Variants in ENPEP observed in about 807,000 individuals in gnomAD.
ENPEP encodes the protein AP-A.
In ENPEP, 103 loss-of-function variants were observed where a neutral mutation model predicts 114.5. The observed-to-expected ratio is 0.90, with a 90% CI of 0.77 to 1.06. ENPEP has a LOEUF of 1.06. Among genes scored for constraint, ENPEP ranks in the 50% least tolerant of loss-of-function variants. The probability of loss-of-function intolerance (pLI) is 0.00; values close to 1 mark genes in which losing one functional copy is unlikely to be tolerated. For synonymous variants in ENPEP, 420 were observed against 422.0 expected (o/e 1.00, Z 0.06); for missense variants, 1,196 against 1,161.3 (o/e 1.03, Z -0.43).
intron 17 of ENPEP, 98 bp downstream of exon 17, chr4:110,549,984 CA>C: frequency 8.5e-6 from 10 of 1,179,042 alleles, no homozygotes; most frequent in South Asian, 1.8e-5. Context: ...GTTTTGTTTC[CA>C]AAAAAATCCA....
At chr4:110,494,636 G>C (rs1350725783) in intron 3 of ENPEP, among the ~76,000 whole-genome samples, 1 of 152,160 alleles carries the variant, frequency 6.6e-6, no homozygotes, top group Admixed American at 6.5e-5. Context: ...AGAGAGTACA[G>C]CAGACTTTAG....
intron 3 of ENPEP, among the ~76,000 whole-genome samples, chr4:110,502,321 CTT>C (rs1725194026): frequency 6.6e-6 from 1 of 152,166 alleles, no homozygotes; most frequent in Non-Finnish European, 1.5e-5. Flanking sequence ...GTTGCAGTTT[CTT>C]TTGGCATCTT....
At chr4:110,518,915 TA>T in intron 8 of ENPEP, 1 of 358,594 alleles carries the variant, frequency 2.8e-6, no homozygotes, top group South Asian at 2.4e-5. Flanking sequence ...GCTATGGTTA[TA>T]ACTATTACTA....
chr4:110,490,288 C>T (rs992715210), intron 2 of ENPEP, among the ~76,000 whole-genome samples: 2 of 152,206 alleles, frequency 1.3e-5, no homozygotes, highest in Non-Finnish European at 2.9e-5. Context: ...CAAGGGCATG[C>T]ACACCCGTGC....
At chr4:110,503,556 G>A (rs1042878195) in intron 3 of ENPEP, among the ~76,000 whole-genome samples, 5 of 152,090 alleles carry the variant, frequency 3.3e-5, no homozygotes, top group East Asian at 1.9e-4. Context: ...CATTTCAGTC[G>A]TTTCAGTCTG....
intron 13 of ENPEP, among the ~76,000 whole-genome samples, chr4:110,544,663 C>T (rs552174603): frequency 2.0e-5 from 3 of 152,190 alleles, no homozygotes; most frequent in African/African-American, 7.2e-5. Context: ...TGTTCCAAAG[C>T]TCAGCTTCTT....
chr4:110,499,225 CACTTTTGATGGGACACATAGAACTATT>C (rs1159921965), intron 3 of ENPEP, among the ~76,000 whole-genome samples: 5 of 152,270 alleles, frequency 3.3e-5, no homozygotes, highest in African/African-American at 1.2e-4. Flanking sequence ...ATGATACTAA[CACTTTTGATGGGACACATAGAACTATT>C]ACATGTCAAA....
In ENPEP at chr4:110,493,311, G is replaced by A. The variant is rs115217748; in HGVS notation, c.918+2147G>A. 8.1e-3 allele frequency among the ~76,000 whole-genome samples: 1,230 copies of A among 152,258 alleles called. 17 individuals are homozygous for A. The highest frequency in any genetic ancestry group is 0.028 in the African/African-American group (1,172 of 41,542). ...TGTAGGTGGTAATTATTTCTTAAAT[G>A]GTTCTTCTATGAAAACTAAGAGCAT... is the stretch of plus-strand genomic sequence containing the variant. On this transcript the variant is annotated intron_variant, in intron 3 of 19. Transcript: ENST00000265162.
At chr4:110,516,323 C>G (rs549051639) in intron 8 of ENPEP, among the ~76,000 whole-genome samples, 3 of 152,144 alleles carry the variant, frequency 2.0e-5, no homozygotes, top group Non-Finnish European at 4.4e-5. Flanking sequence ...CTAACAGACC[C>G]TAAGCCAATC....
intron 10 of ENPEP, among the ~76,000 whole-genome samples, chr4:110,521,600 CATAATTAAGGAAACAAA>C (rs2110364440): frequency 1.3e-5 from 2 of 151,758 alleles, no homozygotes; most frequent in East Asian, 3.8e-4. Context: ...TTATAAGATG[CATAATTAAGGAAACAAA>C]ATAAATGTAT....
In ENPEP at chr4:110,491,063, C is replaced by T. The variant is rs139258778; in HGVS notation, c.817C>T (p.Arg273Ter). The change falls in exon 3 of 20, where the codon CGA becomes TGA. Residue 273 changes from arginine (R) to a stop codon, truncating the protein, a stop_gained. Coordinates refer to ENST00000265162, the MANE Select transcript of ENPEP (RefSeq NM_001977.4). LOFTEE classifies it high-confidence loss of function. ...KEESVDDKWT[R>*]TTFEKSVPMS... Reference sequence around the variant, plus strand: ...AGAGTCAGTGGATGATAAATGGACTCGAACAACTTTTGAGAAGTCTGTCCC... The same window carrying T: ...AGAGTCAGTGGATGATAAATGGACTTGAACAACTTTTGAGAAGTCTGTCCC... 2.2e-5 allele frequency: 35 copies of T among 1,610,652 alleles called. No individual in the cohort carries two copies. Among genetic ancestry groups the T allele is most frequent in the Middle Eastern group, 1.8e-4 (1 of 5,556 alleles).
intron 11 of ENPEP, among the ~76,000 whole-genome samples, chr4:110,537,526 C>A (rs1016249023): frequency 6.6e-6 from 1 of 152,186 alleles, no homozygotes; most frequent in African/African-American, 2.4e-5. Context: ...CTATTTTCAC[C>A]ACTCTGCAGT....
chr4:110,527,228 C>T (rs1726230008), intron 10 of ENPEP, among the ~76,000 whole-genome samples: 1 of 152,186 alleles, frequency 6.6e-6, no homozygotes, highest in South Asian at 2.1e-4. Context: ...TGCCAGTTGA[C>T]ACCTGAACTG....
intron 1 of ENPEP, 38 bp from the exon 2 acceptor site, chr4:110,488,501 GGC>G: frequency 6.4e-7 from 1 of 1,559,188 alleles, no homozygotes; most frequent in Non-Finnish European, 8.7e-7. Context: ...TGTCAGAAGA[GGC>G]AGCATGCATT....
chr4:110,510,245 T>C lies in ENPEP; in HGVS notation c.1195T>C (p.Trp399Arg). 1 of 1,612,162 alleles carries C rather than the reference T, an allele frequency of 6.2e-7. No individual in the cohort carries two copies. The highest frequency in any genetic ancestry group is 2.2e-5 in the East Asian group (1 of 44,858). ...ATCTCTTTATTGCTTATAATTTCAG[T>C]GGTTTGGAAATATTGTGACCATGGA... ...TVVAHELVHQ[W>R]FGNIVTMDWW... is the part of the protein sequence containing the mutation. Residue 399 changes from tryptophan (W) to arginine (R), a missense_variant and splice_region_variant, in exon 6 of 20, where the codon TGG (tryptophan) becomes CGG (arginine). Coordinates refer to ENST00000265162, the MANE Select transcript of ENPEP (RefSeq NM_001977.4).
intron 6 of ENPEP, among the ~76,000 whole-genome samples, chr4:110,510,896 T>C (rs991573401): frequency 6.6e-6 from 1 of 152,198 alleles, no homozygotes. Flanking sequence ...CTTTATGAAA[T>C]AGAACATTAT....
In ENPEP at chr4:110,559,738, A is replaced by G. The variant is rs765242630; in HGVS notation, c.2721+13A>G. On this transcript the variant is annotated intron_variant, in intron 19 of 19. Transcript: ENST00000265162. The stretch of plus-strand genomic sequence containing the variant: ...GCAACTGTGGCAGGTATGAAGATAA[A>G]TTCCTCTGCATTTGTCCAAGAAGGA... 1.3e-6 allele frequency: 2 copies of G among 1,598,780 alleles called. No homozygotes were observed. The highest frequency in any genetic ancestry group is 1.7e-6 in the Non-Finnish European group (2 of 1,167,652).
intron 4 of ENPEP, among the ~76,000 whole-genome samples, chr4:110,507,554 T>A (rs1725417617): frequency 6.6e-6 from 1 of 152,242 alleles, no homozygotes; most frequent in Admixed American, 6.5e-5. Context: ...ATTCTCTGCA[T>A]GGGAATGGCT....
chr4:110,553,591 TATTA>T (rs1213352907), intron 18 of ENPEP, 136 bp downstream of exon 18: 1 of 826,822 alleles, frequency 1.2e-6, no homozygotes, highest in African/African-American at 1.7e-5. Context: ...AGGATCATGG[TATTA>T]TCCTTCCAGG....
Sources: gnomAD v4.1 joint callset for allele counts (sites outside exome capture counted in the v4.1 genomes callset) on GRCh38, gnomAD v4.1.1 for gene constraint, MANE v1.5 for transcripts, NCBI Gene and HGNC (gene_info 2026-07-23, HGNC 2026-07-21) for gene names.